SLC44A3: variants seen among roughly 807,000 people sequenced by gnomAD.
The protein encoded by SLC44A3 is solute carrier family 44 member 3.
A neutral mutation model predicts 75.4 loss-of-function variants in SLC44A3; 74 were observed. That is an observed-to-expected ratio of 0.98 (90% CI 0.81 to 1.19). The LOEUF (loss-of-function observed/expected upper bound fraction) is 1.19. Ranked by LOEUF, SLC44A3 falls within the 50% of genes most tolerant of loss-of-function variation. The probability of loss-of-function intolerance (pLI) is 0.00; values close to 1 mark genes in which losing one functional copy is unlikely to be tolerated. For synonymous variants in SLC44A3, 310 were observed against 296.9 expected, an observed-to-expected ratio of 1.04 and a Z score of -0.45; for missense variants, 700 against 778.6, an observed-to-expected ratio of 0.90 and a Z score of 1.20.
chr1:94,825,489 C>A lies in SLC44A3; in HGVS notation c.278+854C>A, dbSNP rs1169347522. Among the ~76,000 whole-genome samples, 6 of 152,054 alleles carry A rather than the reference C, an allele frequency of 3.9e-5. 1 individual carries two copies. Among genetic ancestry groups the A allele is most frequent in the African/African-American group, 1.4e-4 (6 of 41,398 alleles). ...GGGACTGCAGGCGCCCGCCACCAGG[C>A]CTGGCTAATTTTTGTATTTTTAGTA... is the stretch of plus-strand genomic sequence containing the variant. On this transcript the variant is annotated intron_variant, in intron 3 of 14. Coordinates refer to ENST00000271227, the MANE Select transcript of SLC44A3 (RefSeq NM_001114106.3).
intron 6 of SLC44A3, among the ~76,000 whole-genome samples, chr1:94,839,668 T>C (rs10782994): frequency 0.54 from 82,322 of 152,050 alleles, 22,380 homozygotes; most frequent in East Asian, 0.69. Flanking sequence ...GGATTATAGG[T>C]GTGAGGCACC....
chr1:94,822,295 G>T (rs1416434316), intron 2 of SLC44A3, among the ~76,000 whole-genome samples: 1 of 152,228 alleles, frequency 6.6e-6, no homozygotes, highest in Non-Finnish European at 1.5e-5. Flanking sequence ...CAGCTGAGAG[G>T]TGGCACGGAG....
intron 12 of SLC44A3, among the ~76,000 whole-genome samples, chr1:94,879,650 T>C (rs1054021023): frequency 6.7e-5 from 10 of 150,336 alleles, no homozygotes; most frequent in Non-Finnish European, 1.3e-4. Flanking sequence ...CCATCCTGGC[T>C]AACACGGTGA....
chr1:94,857,584 A>G, intron 10 of SLC44A3, 84 bp downstream of exon 10: 2 of 1,354,702 alleles, frequency 1.5e-6, no homozygotes, highest in South Asian at 1.6e-5. Flanking sequence ...GATATTTGGG[A>G]ATGTTGACCT....
intron 5 of SLC44A3, among the ~76,000 whole-genome samples, chr1:94,832,969 C>CTT (rs5776239): frequency 3.4e-4 from 50 of 148,640 alleles, no homozygotes; most frequent in East Asian, 1.2e-3. Context: ...CCTGTCTCAA[C>CTT]TTTTTTTTTT....
At chr1:94,881,957 T>G (rs1342419221) in intron 12 of SLC44A3, among the ~76,000 whole-genome samples, 1 of 151,526 alleles carries the variant, frequency 6.6e-6, no homozygotes, top group Admixed American at 6.6e-5. Context: ...GAGGTGGAGG[T>G]TGCAGTGAGC....
intron 4 of SLC44A3, 135 bp downstream of exon 4, chr1:94,827,778 T>C: frequency 9.3e-7 from 1 of 1,073,936 alleles, no homozygotes; most frequent in Non-Finnish European, 1.3e-6. Flanking sequence ...CCTCTTTTTG[T>C]GTGGAAAAGG....
chr1:94,877,790 G>T (rs1668456186), intron 12 of SLC44A3, among the ~76,000 whole-genome samples: 1 of 152,102 alleles, frequency 6.6e-6, no homozygotes, highest in African/African-American at 2.4e-5. Flanking sequence ...GCATGGGTGG[G>T]GTAGAGAGAG....
At chr1:94,857,945 C>A (rs915017455) in intron 10 of SLC44A3, among the ~76,000 whole-genome samples, 3 of 151,306 alleles carry the variant, frequency 2.0e-5, no homozygotes, top group Admixed American at 6.6e-5. Context: ...TCCCAAGTAG[C>A]TGGGACTAAA....
In SLC44A3 at chr1:94,834,206, G is replaced by A. The variant is rs1343182824; in HGVS notation, c.510-3505G>A. 4.1e-5 allele frequency among the ~76,000 whole-genome samples: 6 copies of A among 147,774 alleles called. No homozygotes were observed. In the East Asian group the frequency reaches 1.0e-3, roughly 25 times the overall value. ...ATGGTTTCTAATCATTGGTCTTCAAGGGTTCTTTGGAGAAATGGCAGGTTC... is the reference window on the plus strand; with the variant it reads ...ATGGTTTCTAATCATTGGTCTTCAAAGGTTCTTTGGAGAAATGGCAGGTTC... On this transcript the variant is annotated intron_variant, in intron 5 of 14. Transcript: ENST00000271227.
At chr1:94,850,388 G>A (rs557608314) in intron 9 of SLC44A3, among the ~76,000 whole-genome samples, 1 of 152,176 alleles carries the variant, frequency 6.6e-6, no homozygotes, top group Non-Finnish European at 1.5e-5. Context: ...GTCACCTCCA[G>A]TGTTCATTAA....
At chr1:94,836,819 G>A (rs565698532) in intron 5 of SLC44A3, 1 of 151,610 alleles carries the variant, frequency 6.6e-6, no homozygotes, top group South Asian at 2.1e-4. Context: ...GCTGAGGTGG[G>A]AGAATAGCTT....
rs1394296324 is a variant in SLC44A3 at position 94,894,801 on chromosome 1, GTTC to G, written c.1858-14_1858-12del. ...CAGACACATAATACTATTCTAACTT[GTTC>G]TTTTGTTTTTCAGAGTTTCGTAAAA... is the stretch of plus-strand genomic sequence containing the variant. On this transcript the variant is annotated splice_polypyrimidine_tract_variant and intron_variant, in intron 14 of 14. Transcript: ENST00000271227. 3 of 1,597,202 alleles carry G rather than the reference GTTC, an allele frequency of 1.9e-6. No homozygotes were observed. In the East Asian group the frequency reaches 6.9e-5, roughly 37 times the overall value.
chr1:94,891,284 A>G lies in SLC44A3; in HGVS notation c.1620+17A>G. 3.8e-6 allele frequency: 6 copies of G among 1,582,832 alleles called. No individual in the cohort carries two copies. Among genetic ancestry groups the G allele is most frequent in the Non-Finnish European group, 5.1e-6 (6 of 1,168,790 alleles). On this transcript the variant is annotated intron_variant, in intron 13 of 14. Transcript: ENST00000271227. ...CTAGGAAAGGTGAGATATCTTGACTAAATAAAGGAGCCTGGGATTCTGAAA... is the reference window on the plus strand; with the variant it reads ...CTAGGAAAGGTGAGATATCTTGACTGAATAAAGGAGCCTGGGATTCTGAAA...
At chr1:94,848,790 A>G (rs778185635) in intron 9 of SLC44A3, among the ~76,000 whole-genome samples, 11 of 152,070 alleles carry the variant, frequency 7.2e-5, no homozygotes, top group Non-Finnish European at 1.3e-4. Flanking sequence ...GATGGATGTG[A>G]TGATCAGAGA....
In SLC44A3 at chr1:94,820,965, C is replaced by A. The variant is rs1474899013; in HGVS notation, c.44C>A (p.Ala15Asp). ...GAEYLVSAEG[A>D]PRQREWRPQI... The stretch of plus-strand genomic sequence containing the variant: ...TTCTGGAAGGTTTCTGCAGAAGGAG[C>A]CCCTAGGCAAAGGGAGTGGCGACCC... The change falls in exon 2 of 15, where the codon GCC becomes GAC. Residue 15 changes from alanine to aspartate, a missense_variant. Physicochemically the swap from Ala to Asp is moderately radical, Grantham distance 126 (BLOSUM62 -2). Transcript: ENST00000271227. The A allele has an allele frequency of 6.4e-7, 1 of 1,551,204 alleles. No individual in the cohort carries two copies. The highest frequency in any genetic ancestry group is 8.7e-7 in the Non-Finnish European group (1 of 1,146,646).
At chr1:94,865,792 C>T (rs1667103591) in intron 11 of SLC44A3, among the ~76,000 whole-genome samples, 1 of 152,140 alleles carries the variant, frequency 6.6e-6, no homozygotes, top group Non-Finnish European at 1.5e-5. Context: ...TTAGTAAATT[C>T]AGGACATTTT....
At chr1:94,885,382 G>C (rs1201904875) in intron 12 of SLC44A3, among the ~76,000 whole-genome samples, 1 of 152,044 alleles carries the variant, frequency 6.6e-6, no homozygotes, top group African/African-American at 2.4e-5. Context: ...CATTGGAGTT[G>C]GTGGAAGTCT....
In SLC44A3 at chr1:94,820,981, G is replaced by A; in HGVS notation, c.60G>A (p.Glu20=). 7.1e-6 allele frequency: 11 copies of A among 1,551,590 alleles called. No individual in the cohort carries two copies. The highest frequency in any genetic ancestry group is 9.6e-6 in the Non-Finnish European group (11 of 1,146,932). The change falls in exon 2 of 15, where the codon GAG becomes GAA. Residue 20 remains glutamate, a synonymous_variant. Transcript: ENST00000271227. ...CAGAAGGAGCCCCTAGGCAAAGGGA[G>A]TGGCGACCCCAGATTTATAGGAAAT... ...VSAEGAPRQR[E]WRPQIYRKCT...
Sources: gnomAD v4.1 joint callset for allele counts (sites outside exome capture counted in the v4.1 genomes callset) on GRCh38, gnomAD v4.1.1 for gene constraint, MANE v1.5 for transcripts, NCBI Gene and HGNC (gene_info 2026-07-23, HGNC 2026-07-21) for gene names.